Variants in RANBP9 observed in about 807,000 individuals in gnomAD.
RANBP9 encodes ran-binding protein 9.
Under a neutral mutation model 84.3 loss-of-function variants are expected in RANBP9, and 15 were observed. The ratio of observed to expected loss-of-function variants is 0.18; its 90% confidence interval spans 0.12 to 0.27. RANBP9 has a LOEUF of 0.27. Among genes scored for constraint, RANBP9 ranks in the 10% least tolerant of loss-of-function variants. RANBP9 has a pLI of 1.00. For missense variants in RANBP9, 809 were observed against 912.8 expected (o/e 0.89, Z 1.46); for synonymous variants, 392 against 349.6 (o/e 1.12, Z -1.35).
Position 13,682,922 on chromosome 6 carries a change from A to G in RANBP9, c.683+13863T>C, listed in dbSNP as rs991553997. Among the ~76,000 whole-genome samples the G allele has an allele frequency of 9.2e-5, 14 of 152,212 alleles. 1 individual carries two copies. The highest frequency in any genetic ancestry group is 3.1e-4 in the African/African-American group (13 of 41,460). On this transcript the variant is annotated intron_variant, in intron 2 of 13. Coordinates refer to ENST00000011619, the MANE Select transcript of RANBP9 (RefSeq NM_005493.3). ...TGGGGTGTGGATGTACAGATCTATA[A>G]TAAAGTAAATATAGCAAAATCTTAA...
In RANBP9 at chr6:13,711,833, T is replaced by C. The variant is rs1758298328; in HGVS notation, c.-328A>G. ...GCCGCGGCCGCTGCTCTCGCGGCTGTTTCCCGGCGGGCGGGCCGGGCCGGC... is the reference window on the plus strand; with the variant it reads ...GCCGCGGCCGCTGCTCTCGCGGCTGCTTCCCGGCGGGCGGGCCGGGCCGGC... On this transcript the variant is annotated 5_prime_UTR_variant, in exon 1 of 14. Transcript: ENST00000011619. Among the ~76,000 whole-genome samples, 1 of 145,536 alleles carries C rather than the reference T, an allele frequency of 6.9e-6. No individual in the cohort carries two copies. Among genetic ancestry groups the C allele is most frequent in the Middle Eastern group, 3.5e-3 (1 of 282 alleles).
chr6:13,663,126 T>C (rs573823840), intron 2 of RANBP9, among the ~76,000 whole-genome samples: 1 of 151,928 alleles, frequency 6.6e-6, no homozygotes, highest in South Asian at 2.1e-4. Context: ...AAATCACAGC[T>C]GAACTGCTGA....
intron 12 of RANBP9, 130 bp downstream of exon 12, chr6:13,632,240 C>T (rs1172040801): frequency 3.0e-6 from 2 of 676,302 alleles, no homozygotes; most frequent in Admixed American, 3.8e-5. Context: ...CTCAGATGGG[C>T]AAGGAGCCAG....
At chr6:13,668,392 T>C (rs1183717454) in intron 2 of RANBP9, among the ~76,000 whole-genome samples, 1 of 152,040 alleles carries the variant, frequency 6.6e-6, no homozygotes, top group Non-Finnish European at 1.5e-5. Context: ...ACTATCTTGT[T>C]ACCAAAACTA....
intron 5 of RANBP9, among the ~76,000 whole-genome samples, chr6:13,646,194 C>T (rs983796876): frequency 1.3e-5 from 2 of 152,030 alleles, no homozygotes; most frequent in African/African-American, 2.4e-5. Context: ...TAGATCACCT[C>T]AGGTCAGGAG....
intron 2 of RANBP9, among the ~76,000 whole-genome samples, chr6:13,689,311 G>A (rs142364774): frequency 2.4e-3 from 357 of 146,584 alleles, no homozygotes; most frequent in African/African-American, 8.3e-3. Flanking sequence ...TCACTCTGTC[G>A]CTAGGCTGGA....
chr6:13,653,057 G>A (rs76925294), intron 4 of RANBP9, among the ~76,000 whole-genome samples: 2,017 of 152,154 alleles, frequency 0.013, 48 homozygotes, highest in African/African-American at 0.047. Flanking sequence ...TACCCTCACC[G>A]TTTAATAATC....
intron 2 of RANBP9, among the ~76,000 whole-genome samples, chr6:13,669,947 G>T (rs1209097385): frequency 8.9e-5 from 13 of 145,928 alleles, no homozygotes; most frequent in East Asian, 8.0e-4. Context: ...GAAAGAACTG[G>T]TTTTTTTTTT....
intron 1 of RANBP9, among the ~76,000 whole-genome samples, chr6:13,706,504 C>G (rs1758126043): frequency 6.6e-6 from 1 of 151,308 alleles, no homozygotes; most frequent in Non-Finnish European, 1.5e-5. Context: ...ACCATCCTGG[C>G]CAACATGTTG....
At chr6:13,628,395 TGAGA>T (rs1027007998) in intron 12 of RANBP9, among the ~76,000 whole-genome samples, 3 of 152,052 alleles carry the variant, frequency 2.0e-5, no homozygotes, top group Non-Finnish European at 4.4e-5. Flanking sequence ...AAACTCAGGC[TGAGA>T]GAAAGGAGAA....
intron 1 of RANBP9, among the ~76,000 whole-genome samples, chr6:13,705,093 TGTCTA>T (rs955733270): frequency 2.6e-5 from 4 of 152,018 alleles, no homozygotes; most frequent in Non-Finnish European, 5.9e-5. Context: ...ACATATAAAT[TGTCTA>T]GTCTAGCAGA....
At chr6:13,643,900 A>C (rs1765123210) in intron 6 of RANBP9, among the ~76,000 whole-genome samples, 1 of 152,174 alleles carries the variant, frequency 6.6e-6, no homozygotes, top group Non-Finnish European at 1.5e-5. Context: ...CCTTTTCTAA[A>C]AAATACCCCC....
intron 5 of RANBP9, among the ~76,000 whole-genome samples, chr6:13,649,797 C>T (rs1222675179): frequency 6.6e-6 from 1 of 152,174 alleles, no homozygotes; most frequent in African/African-American, 2.4e-5. Context: ...TTATCCACTG[C>T]CTATAACTCA....
At chr6:13,628,083 C>T (rs1166898121) in intron 12 of RANBP9, among the ~76,000 whole-genome samples, 1 of 152,166 alleles carries the variant, frequency 6.6e-6, no homozygotes, top group Non-Finnish European at 1.5e-5. Context: ...GTTTTAGGCA[C>T]TAATATGGAT....
intron 1 of RANBP9, 103 bp from the exon 2 acceptor site, chr6:13,696,999 T>G (rs574340696): frequency 8.8e-6 from 8 of 909,136 alleles, no homozygotes; most frequent in Non-Finnish European, 1.3e-5. Context: ...AATGATGTAT[T>G]ATTTCTGCTC....
intron 2 of RANBP9, among the ~76,000 whole-genome samples, chr6:13,695,276 A>G (rs1766413816): frequency 6.6e-6 from 1 of 152,124 alleles, no homozygotes; most frequent in Non-Finnish European, 1.5e-5. Context: ...TCAACCAACT[A>G]TCTGAGAGTA....
At chr6:13,639,904 C>T in intron 8 of RANBP9, 151 bp from the exon 9 acceptor site, 1 of 659,742 alleles carries the variant, frequency 1.5e-6, no homozygotes, top group Non-Finnish European at 2.5e-6. Context: ...GTGTCCTATG[C>T]TTTAATGCTT....
At chr6:13,683,289 C>T (rs1042396331) in intron 2 of RANBP9, among the ~76,000 whole-genome samples, 1 of 152,102 alleles carries the variant, frequency 6.6e-6, no homozygotes, top group Non-Finnish European at 1.5e-5. Context: ...AGCAAGAATT[C>T]AATATATCTG....
chr6:13,635,703 G>GT (rs776375147), intron 10 of RANBP9, among the ~76,000 whole-genome samples: 2 of 151,298 alleles, frequency 1.3e-5, no homozygotes, highest in Non-Finnish European at 2.9e-5. Flanking sequence ...AGGAAAGCTT[G>GT]TTTATAATCT....
Sources: allele counts gnomAD v4.1 joint callset (sites outside exome capture counted in the v4.1 genomes callset), GRCh38; gene constraint gnomAD v4.1.1; transcripts MANE v1.5; gene names NCBI Gene and HGNC (gene_info 2026-07-23, HGNC 2026-07-21).